Variants in CSMD1 observed in about 807,000 individuals in gnomAD.
CSMD1 encodes CUB and Sushi multiple domains 1, also known as CUB and sushi domain-containing protein 1.
A neutral mutation model predicts 417.5 loss-of-function variants in CSMD1; 213 were observed. The ratio of observed to expected loss-of-function variants is 0.51; its 90% confidence interval spans 0.46 to 0.57. The LOEUF (loss-of-function observed/expected upper bound fraction) is 0.57, where lower values mean the gene tolerates loss of function less well. Among genes scored for constraint, CSMD1 ranks in the 20% least tolerant of loss-of-function variants. The pLI is 0.00. For missense variants in CSMD1, 6,923 were observed against 4,529.7 expected, an observed-to-expected ratio of 1.53 and a Z score of -15.17; for synonymous variants, 2,862 against 1,736.8, an observed-to-expected ratio of 1.65 and a Z score of -16.11.
At chr8:4,352,603 G>A (rs1429358109) in intron 3 of CSMD1, among the ~76,000 whole-genome samples, 1 of 152,198 alleles carries the variant, frequency 6.6e-6, no homozygotes, top group Non-Finnish European at 1.5e-5. Context: ...CTAAGTTTGA[G>A]AAAAGTCATT....
At position 4,684,296 on chromosome 8, in the gene CSMD1, A is replaced by G. The variant is rs188251761; in HGVS notation, c.86-46738T>C. ...TTAATCGTGCAAAAAATAGGAGCGC[A>G]GACTTGGTAAAAATCGGTTTTCTGT... On this transcript the variant is annotated intron_variant, in intron 1 of 69. Transcript: ENST00000635120. Among the ~76,000 whole-genome samples, 374 of 152,332 alleles carry G rather than the reference A, an allele frequency of 2.5e-3. 5 individuals are homozygous for G. The highest frequency in any genetic ancestry group is 8.7e-3 in the African/African-American group (363 of 41,580).
At chr8:4,124,336 T>A (rs549015791) in intron 3 of CSMD1, among the ~76,000 whole-genome samples, 3 of 152,268 alleles carry the variant, frequency 2.0e-5, no homozygotes, top group Non-Finnish European at 4.4e-5. Context: ...TGATTCTAAA[T>A]GAGAAACTTT....
Position 3,616,740 on chromosome 8 carries a change from T to A in CSMD1, c.1067A>T (p.Glu356Val). 1 of 1,612,594 alleles carries A rather than the reference T, an allele frequency of 6.2e-7. No homozygotes were observed. The highest frequency in any genetic ancestry group is 1.3e-5 in the African/African-American group (1 of 75,006). The change falls in exon 8 of 70, where the codon GAA (glutamate) becomes GTA (valine). Residue 356 changes from glutamate to valine, a missense_variant. Glu to Val is a moderately radical substitution (Grantham distance 121). Transcript: ENST00000635120. ...SDMCPDPGIP[E>V]NGRRAGSDFR... is the part of the protein sequence containing the mutation. Reference sequence around the variant, plus strand: ...GTCGGAACCTGCTCTTCTACCATTTTCTGGAATCCCAGGATCTGGACACAT... The same window carrying A: ...GTCGGAACCTGCTCTTCTACCATTTACTGGAATCCCAGGATCTGGACACAT...
At position 3,892,625 on chromosome 8, in the gene CSMD1, G is replaced by A. The variant is rs558086244; in HGVS notation, c.818+105278C>T. ...CACTCCTACTTTCACTCTGGTGCACGTCAGTACTGTTGCTTGGCACGTCGT... is the reference window on the plus strand; with the variant it reads ...CACTCCTACTTTCACTCTGGTGCACATCAGTACTGTTGCTTGGCACGTCGT... On this transcript the variant is annotated intron_variant, in intron 5 of 69. Transcript: ENST00000635120. 4.0e-4 allele frequency among the ~76,000 whole-genome samples: 60 copies of A among 151,546 alleles called. 1 individual carries two copies. The highest frequency in any genetic ancestry group is 2.4e-3 in the Admixed American group (36 of 15,226).
intron 16 of CSMD1, among the ~76,000 whole-genome samples, chr8:3,397,106 T>C (rs1231094207): frequency 6.6e-6 from 1 of 152,114 alleles, no homozygotes; most frequent in Admixed American, 6.6e-5. Context: ...TGTGATGCAA[T>C]GTAGGTACCA....
intron 23 of CSMD1, among the ~76,000 whole-genome samples, chr8:3,313,446 G>A (rs192728361): frequency 1.3e-5 from 2 of 152,152 alleles, no homozygotes; most frequent in Admixed American, 6.5e-5. Context: ...CAAAAAGTGG[G>A]TGAAGGATGT....
chr8:4,700,508 C>T (rs975086022), intron 1 of CSMD1, among the ~76,000 whole-genome samples: 3 of 152,080 alleles, frequency 2.0e-5, no homozygotes, highest in African/African-American at 7.2e-5. Flanking sequence ...ATGCATGTTA[C>T]AATGAAAAGG....
chr8:3,996,888 T>C (rs1815262997), intron 5 of CSMD1, among the ~76,000 whole-genome samples: 1 of 152,228 alleles, frequency 6.6e-6, no homozygotes, highest in South Asian at 2.1e-4. Context: ...AATAATCGGT[T>C]TAAAACAGGT....
intron 2 of CSMD1, among the ~76,000 whole-genome samples, chr8:4,514,122 C>G (rs1802983337): frequency 6.6e-6 from 1 of 152,022 alleles, no homozygotes; most frequent in Non-Finnish European, 1.5e-5. Flanking sequence ...AGTTCTAGAT[C>G]AAGATTCACA....
intron 2 of CSMD1, among the ~76,000 whole-genome samples, chr8:4,503,373 T>A (rs1446956005): frequency 1.3e-5 from 2 of 152,170 alleles, no homozygotes; most frequent in Non-Finnish European, 2.9e-5. Context: ...CATACTCAAC[T>A]TTTGCTCAAC....
At chr8:4,222,344 G>C (rs773758398) in intron 3 of CSMD1, among the ~76,000 whole-genome samples, 2 of 149,962 alleles carry the variant, frequency 1.3e-5, no homozygotes, top group African/African-American at 2.5e-5. Flanking sequence ...TCAGTGTTTT[G>C]CCTCAGTCTT....
chr8:3,883,522 G>C (rs954814865), intron 5 of CSMD1, among the ~76,000 whole-genome samples: 1 of 152,040 alleles, frequency 6.6e-6, no homozygotes, highest in African/African-American at 2.4e-5. Flanking sequence ...AATGAATCAT[G>C]CGGCTTTATG....
chr8:4,637,944 A>G (rs191835501), intron 1 of CSMD1, among the ~76,000 whole-genome samples: 1 of 152,248 alleles, frequency 6.6e-6, no homozygotes, highest in African/African-American at 2.4e-5. Flanking sequence ...TGCTGGGATT[A>G]CAGGCGTGAG....
chr8:3,917,230 T>G (rs920588536), intron 5 of CSMD1, among the ~76,000 whole-genome samples: 1 of 152,164 alleles, frequency 6.6e-6, no homozygotes, highest in Non-Finnish European at 1.5e-5. Flanking sequence ...TTTCCTGTGG[T>G]TGAAATGCAA....
At chr8:4,100,269 G>C (rs1042921518) in intron 3 of CSMD1, among the ~76,000 whole-genome samples, 1 of 152,154 alleles carries the variant, frequency 6.6e-6, no homozygotes, top group African/African-American at 2.4e-5. Context: ...AATTGTCATA[G>C]TATTCATCCT....
intron 5 of CSMD1, among the ~76,000 whole-genome samples, chr8:3,836,429 G>A (rs550417080): frequency 6.6e-6 from 1 of 152,038 alleles, no homozygotes; most frequent in Non-Finnish European, 1.5e-5. Flanking sequence ...CTCCAATGCA[G>A]AAATCTCCAA....
At chr8:4,847,849 G>C (rs1432353608) in intron 1 of CSMD1, among the ~76,000 whole-genome samples, 2 of 147,040 alleles carry the variant, frequency 1.4e-5, no homozygotes, top group South Asian at 2.1e-4. Flanking sequence ...ATAAATTTCA[G>C]TGTTTCATTA....
chr8:4,004,175 T>C (rs1020834746), intron 4 of CSMD1, among the ~76,000 whole-genome samples: 1 of 152,112 alleles, frequency 6.6e-6, no homozygotes, highest in Non-Finnish European at 1.5e-5. Flanking sequence ...AATATAATTG[T>C]GGTATTATAG....
At chr8:4,854,826 G>A (rs373690570) in intron 1 of CSMD1, among the ~76,000 whole-genome samples, 250 of 152,310 alleles carry the variant, frequency 1.6e-3, no homozygotes, top group African/African-American at 5.3e-3. Flanking sequence ...AGGCAGCAGC[G>A]AGGCTGGGGG....
Sources: gnomAD v4.1 joint callset for allele counts (sites outside exome capture counted in the v4.1 genomes callset) on GRCh38, gnomAD v4.1.1 for gene constraint, MANE v1.5 for transcripts, NCBI Gene and HGNC (gene_info 2026-07-23, HGNC 2026-07-21) for gene names.